NFIX: variants seen among roughly 807,000 people sequenced by gnomAD.
The protein encoded by NFIX is nuclear factor I X.
In NFIX, 2 loss-of-function variants were observed where a neutral mutation model predicts 53.3. The ratio of observed to expected loss-of-function variants is 0.04; its 90% CI spans 0.02 to 0.12. The LOEUF (loss-of-function observed/expected upper bound fraction) is 0.12. NFIX is among the 10% of genes least tolerant of loss of function. The probability of loss-of-function intolerance (pLI) is 1.00; values close to 1 mark genes in which losing one functional copy is unlikely to be tolerated. For synonymous variants in NFIX, 244 were observed against 289.0 expected, an observed-to-expected ratio of 0.84 and a Z score of 1.58; for missense variants, 310 against 674.5, an observed-to-expected ratio of 0.46 and a Z score of 5.99.
At chr19:13,054,104 CCT>C (rs1387016941) in intron 2 of NFIX, among the ~76,000 whole-genome samples, 2 of 152,174 alleles carry the variant, frequency 1.3e-5, no homozygotes, top group Admixed American at 1.3e-4. Context: ...AGAGCAGTCC[CCT>C]CTCCTGTCCT....
At position 13,023,204 on chromosome 19, in the gene NFIX, C is replaced by CA. The variant is rs578043754; in HGVS notation, c.28-1805dup. Among the ~76,000 whole-genome samples, 411 of 131,380 alleles carry CA rather than the reference C, an allele frequency of 3.1e-3. 1 individual carries two copies. Among genetic ancestry groups the CA allele is most frequent in the Non-Finnish European group, 4.0e-3 (240 of 60,484 alleles). The allele number at this position is 131,380 out of a possible 152,430, so 86.2% of individuals were successfully genotyped here. A position where few individuals can be genotyped will look rare whatever the true frequency, so the allele number is the denominator to read the frequency against. ...GGGAGTTTGAGAGAGAGAAAAGGAG[C>CA]AAAAAAAAAAAACACCCCAAAAACC... On this transcript the variant is annotated intron_variant, in intron 1 of 10. Coordinates refer to ENST00000592199, the MANE Select transcript of NFIX (RefSeq NM_001365902.3).
chr19:13,053,780 T>C (rs1169446908), intron 2 of NFIX, among the ~76,000 whole-genome samples: 1 of 151,728 alleles, frequency 6.6e-6, no homozygotes, highest in Non-Finnish European at 1.5e-5. Flanking sequence ...TCCCTGGGAG[T>C]CTGGGGCCTG....
chr19:13,079,413 G>A (rs575671682), intron 7 of NFIX, among the ~76,000 whole-genome samples: 27 of 152,334 alleles, frequency 1.8e-4, no homozygotes, highest in African/African-American at 6.5e-4. Flanking sequence ...TGAGGAGATA[G>A]GATCAGGCAG....
rs140752183 is a variant in NFIX, at chr19:13,065,441, C to T, written c.560-7606C>T. Among the ~76,000 whole-genome samples the T allele has an allele frequency of 4.4e-3, 669 of 152,354 alleles. 7 individuals carry two copies. The highest frequency in any genetic ancestry group is 0.015 in the African/African-American group (644 of 41,584). The stretch of plus-strand genomic sequence containing the variant: ...GCCATGCCCTGGGTCCACTTGTTCC[C>T]TCCATAGTCAGGTATCTGAGGTGCT... On this transcript the variant is annotated intron_variant, in intron 2 of 10. Transcript: ENST00000592199.
At position 13,059,113 on chromosome 19, in the gene NFIX, T is replaced by G. The variant is rs79169542; in HGVS notation, c.560-13934T>G. On this transcript the variant is annotated intron_variant, in intron 2 of 10. Transcript: ENST00000592199. ...ATTCGTGCACATCGGGATTTTCACA[T>G]GCACTCACACACATAGACAAATCTG... Among the ~76,000 whole-genome samples the G allele has an allele frequency of 7.9e-4, 121 of 152,350 alleles. 3 individuals carry two copies. In the East Asian group the frequency reaches 0.022, roughly 28 times the overall value.
rs1048151753 is a variant in NFIX at position 13,051,576 on chromosome 19, C to T, written c.560-21471C>T. ...CAGTGAGCCAGATTTTTTTCCAAGC[C>T]TCAAGTCAGGCAGGTTCGGGGAGGA... On this transcript the variant is annotated intron_variant, in intron 2 of 10. Transcript: ENST00000592199. The surrounding 1 kb of genome is among the most constrained non-coding windows in gnomAD (Gnocchi z 5.1). 1.3e-5 allele frequency among the ~76,000 whole-genome samples: 2 copies of T among 152,172 alleles called. No individual in the cohort carries two copies. Among genetic ancestry groups the T allele is most frequent in the Non-Finnish European group, 2.9e-5 (2 of 68,020 alleles).
intron 2 of NFIX, among the ~76,000 whole-genome samples, chr19:13,030,010 G>GA (rs1330824566): frequency 6.6e-6 from 1 of 152,142 alleles, no homozygotes; most frequent in Non-Finnish European, 1.5e-5. Flanking sequence ...GAGTATGTGG[G>GA]AGGGTCCACA....
rs1230660869 is a variant in NFIX, at chr19:13,045,664, A to G, written c.559+20112A>G. Among the ~76,000 whole-genome samples, 1 of 152,150 alleles carries G rather than the reference A, an allele frequency of 6.6e-6. No homozygotes were observed. The highest frequency in any genetic ancestry group is 1.5e-5 in the Non-Finnish European group (1 of 68,004). On this transcript the variant is annotated intron_variant, in intron 2 of 10. Coordinates refer to ENST00000592199, the MANE Select transcript of NFIX (RefSeq NM_001365902.3). The surrounding 1 kb of genome is among the most constrained non-coding windows in gnomAD (Gnocchi z 4.4). ...GAGGTAGGAGAGAGGGGCAGCAGGCACACTGGGTTGACAACTGCACTGTGT... is the reference window on the plus strand; with the variant it reads ...GAGGTAGGAGAGAGGGGCAGCAGGCGCACTGGGTTGACAACTGCACTGTGT...
rs1411154283 is a variant in NFIX at position 13,051,869 on chromosome 19, C to T, written c.560-21178C>T. On this transcript the variant is annotated intron_variant, in intron 2 of 10. Coordinates refer to ENST00000592199, the MANE Select transcript of NFIX (RefSeq NM_001365902.3). This position sits in a 1 kb window ranked among gnomAD's most constrained non-coding sequence, Gnocchi z 5.1. ...TGCCTGGAGGGGGCGGGGCGGCTCCCGGGAGCAGCCGGGCGGCTGCGGGAA... is the reference window on the plus strand; with the variant it reads ...TGCCTGGAGGGGGCGGGGCGGCTCCTGGGAGCAGCCGGGCGGCTGCGGGAA... 6.6e-6 allele frequency among the ~76,000 whole-genome samples: 1 copy of T among 151,972 alleles called. No individual in the cohort carries two copies. Among genetic ancestry groups the T allele is most frequent in the Non-Finnish European group, 1.5e-5 (1 of 67,958 alleles).
Position 13,028,710 on chromosome 19 carries a change from G to T in NFIX, c.559+3158G>T, listed in dbSNP as rs2013564198. Among the ~76,000 whole-genome samples, 1 of 152,108 alleles carries T rather than the reference G, an allele frequency of 6.6e-6. No homozygotes were observed. ...AGAGAGCACTGCCGTGGGGAGGAGG[G>T]TATCCATTTCCTGGTGATATCCTTC... On this transcript the variant is annotated intron_variant, in intron 2 of 10. Coordinates refer to ENST00000592199, the MANE Select transcript of NFIX (RefSeq NM_001365902.3). This position sits in a 1 kb window ranked among gnomAD's most constrained non-coding sequence, Gnocchi z 4.2.
At chr19:13,075,068 TAA>T (rs57860606) in intron 5 of NFIX, among the ~76,000 whole-genome samples, 3,367 of 73,598 alleles carry the variant, frequency 0.046, 56 homozygotes, top group Middle Eastern at 0.11. Context: ...AGACTCCATC[TAA>T]AAAAAAAAAA....
chr19:13,041,746 A>G (rs913149435), intron 2 of NFIX, among the ~76,000 whole-genome samples: 3 of 150,640 alleles, frequency 2.0e-5, no homozygotes, highest in Non-Finnish European at 4.4e-5. Context: ...GTCAGCCGAG[A>G]TCGTGCCACT....
In NFIX at chr19:13,067,120, C is replaced by T. The variant is rs904290988; in HGVS notation, c.560-5927C>T. On this transcript the variant is annotated intron_variant, in intron 2 of 10. Coordinates refer to ENST00000592199, the MANE Select transcript of NFIX (RefSeq NM_001365902.3). The surrounding 1 kb of genome is among the most constrained non-coding windows in gnomAD (Gnocchi z 4.2). The stretch of plus-strand genomic sequence containing the variant: ...TGGGTTTCCTGTGCCCTGGACGCTC[C>T]AGAATCTCAGAGGAAGCGGGAGAGA... 3.3e-5 allele frequency among the ~76,000 whole-genome samples: 5 copies of T among 152,210 alleles called. No homozygotes were observed. Among genetic ancestry groups the T allele is most frequent in the Non-Finnish European group, 7.3e-5 (5 of 68,042 alleles).
chr19:13,090,160 C>T lies in NFIX; in HGVS notation c.1403-139C>T. ...CTTCAGCTCAGATGCCCCTCTGGCC[C>T]ATCCTTCCCACTGCCAGCCTAAACT... On this transcript the variant is annotated intron_variant, in intron 9 of 10. Coordinates refer to ENST00000592199, the MANE Select transcript of NFIX (RefSeq NM_001365902.3). This position sits in a 1 kb window ranked among gnomAD's most constrained non-coding sequence, Gnocchi z 6.6. The T allele has an allele frequency of 1.3e-6, 1 of 782,486 alleles. No homozygotes were observed. The highest frequency in any genetic ancestry group is 2.2e-6 in the Non-Finnish European group (1 of 456,272). 48.5% of individuals were successfully genotyped at this position (782,486 alleles called of 1,614,324 possible).
intron 2 of NFIX, among the ~76,000 whole-genome samples, chr19:13,062,251 G>GA (rs2145376202): frequency 6.6e-6 from 1 of 152,324 alleles, no homozygotes; most frequent in African/African-American, 2.4e-5. Context: ...TTTGCAGGAA[G>GA]ATTAGCAGCA....
At chr19:13,087,774 CAAAAAAAAAAAAA>C (rs1157966190) in intron 8 of NFIX, among the ~76,000 whole-genome samples, 10 of 26,392 alleles carry the variant, frequency 3.8e-4, no homozygotes, top group Middle Eastern at 0.05. Flanking sequence ...AAAAGAGGAC[CAAAAAAAAAAAAA>C]AAAAAAAAAA....
In NFIX at chr19:13,089,582, G is replaced by T. The variant is rs1427010200; in HGVS notation, c.1403-717G>T. On this transcript the variant is annotated intron_variant, in intron 9 of 10. Coordinates refer to ENST00000592199, the MANE Select transcript of NFIX (RefSeq NM_001365902.3). The surrounding 1 kb of genome is among the most constrained non-coding windows in gnomAD (Gnocchi z 4.8). The stretch of plus-strand genomic sequence containing the variant: ...CAGTCAGAGGAGGAGAATGCCATAG[G>T]CCTGAGCCTTGCCACCCCCTGGGCC... 6.6e-6 allele frequency among the ~76,000 whole-genome samples: 1 copy of T among 152,212 alleles called. No individual in the cohort carries two copies. The highest frequency in any genetic ancestry group is 1.9e-4 in the East Asian group (1 of 5,200).
In NFIX at chr19:13,045,681, G is replaced by A. The variant is rs1455801912; in HGVS notation, c.559+20129G>A. On this transcript the variant is annotated intron_variant, in intron 2 of 10. Transcript: ENST00000592199. This position sits in a 1 kb window ranked among gnomAD's most constrained non-coding sequence, Gnocchi z 4.4. The stretch of plus-strand genomic sequence containing the variant: ...CAGCAGGCACACTGGGTTGACAACT[G>A]CACTGTGTTGACCCCATGGCGGGCA... 6.6e-6 allele frequency among the ~76,000 whole-genome samples: 1 copy of A among 152,174 alleles called. No individual in the cohort carries two copies. Among genetic ancestry groups the A allele is most frequent in the African/African-American group, 2.4e-5 (1 of 41,436 alleles).
chr19:13,069,820 AT>A (rs1815228515), intron 2 of NFIX: 1 of 152,246 alleles, frequency 6.6e-6, no homozygotes, highest in African/African-American at 2.4e-5. Context: ...GGATTTGTGT[AT>A]TTGTTCAGCT....
Sources: allele counts gnomAD v4.1 joint callset (sites outside exome capture counted in the v4.1 genomes callset), GRCh38; gene constraint gnomAD v4.1.1; non-coding constraint Gnocchi (gnomAD v3.1); transcripts MANE v1.5; gene names NCBI Gene and HGNC (gene_info 2026-07-23, HGNC 2026-07-21).